The following PCDHGA4 variants were observed in gnomAD, a reference collection of about 807,000 sequenced individuals.
The protein encoded by PCDHGA4 is protocadherin gamma-A4.
In PCDHGA4, 38 loss-of-function variants were observed where a neutral mutation model predicts 54.6. That is an observed-to-expected ratio of 0.70 (90% confidence interval 0.54 to 0.91). PCDHGA4 has a LOEUF of 0.91. Ranked by LOEUF, PCDHGA4 falls within the 40% of genes least tolerant of loss-of-function variation. PCDHGA4 has a pLI of 0.00. For missense variants in PCDHGA4, 1,298 were observed against 1,220.9 expected (o/e 1.06, Z -0.94); for synonymous variants, 511 against 512.9 (o/e 1.00, Z 0.05).
At chr5:141,413,450 G>T (rs2095642221) in intron 1 of PCDHGA4, 1 of 1,614,148 alleles carries the variant, frequency 6.2e-7, no homozygotes, top group Non-Finnish European at 8.5e-7. Context: ...ATCACCGCGG[G>T]CAGGATAGAC....
rs576761049 is a variant in PCDHGA4, at chr5:141,372,029, C to T, written c.2514+14408C>T. On this transcript the variant is annotated intron_variant, in intron 1 of 3. Transcript: ENST00000571252. ...AGGGCTCGCCTACGCTCAGCGCCAACGTGAGCCTGCGCGTGTTGGTGGACG... is the reference window on the plus strand; with the variant it reads ...AGGGCTCGCCTACGCTCAGCGCCAATGTGAGCCTGCGCGTGTTGGTGGACG... The T allele has an allele frequency of 2.7e-5, 43 of 1,613,442 alleles. No individual in the cohort carries two copies. The African/African-American group carries it at 4.3e-4, about 16-fold the overall frequency.
intron 1 of PCDHGA4, chr5:141,361,050 T>C (rs370096238): frequency 1.7e-5 from 28 of 1,613,586 alleles, no homozygotes; most frequent in African/African-American, 2.7e-5. Context: ...CGACAAAGGA[T>C]GATTTGGATT....
chr5:141,421,216 T>G, intron 1 of PCDHGA4: 1 of 1,567,154 alleles, frequency 6.4e-7, no homozygotes, highest in Non-Finnish European at 8.6e-7. Flanking sequence ...GAATATCGGC[T>G]TAGAGCCTGC....
At chr5:141,419,886 G>C (rs1195529127) in intron 1 of PCDHGA4, 1 of 1,614,076 alleles carries the variant, frequency 6.2e-7, no homozygotes, top group Non-Finnish European at 8.5e-7. Context: ...CCGGATTTCA[G>C]CGACCATCCC....
intron 1 of PCDHGA4, among the ~76,000 whole-genome samples, chr5:141,473,191 G>A (rs28479996): frequency 0.019 from 2,957 of 152,242 alleles, 87 homozygotes; most frequent in African/African-American, 0.062. Context: ...AGGAGTAAAT[G>A]TATCTTCTAA....
Position 141,383,152 on chromosome 5 carries a change from G to T in PCDHGA4, c.2514+25531G>T, listed in dbSNP as rs200500982. ...CCTGAACCAGCGCAGCGGCAGCTTG[G>T]TCACTGCGGGCAGGATAGACCGGGA... On this transcript the variant is annotated intron_variant, in intron 1 of 3. Coordinates refer to ENST00000571252, the MANE Select transcript of PCDHGA4 (RefSeq NM_018917.4). 3.1e-6 allele frequency: 5 copies of T among 1,614,006 alleles called. No homozygotes were observed. In the African/African-American group the frequency reaches 6.7e-5, roughly 22 times the overall value.
At chr5:141,444,725 T>C (rs1178418239) in intron 1 of PCDHGA4, among the ~76,000 whole-genome samples, 1 of 152,370 alleles carries the variant, frequency 6.6e-6, no homozygotes, top group East Asian at 1.9e-4. Flanking sequence ...TTGGTGCCTT[T>C]GTTGAAAGTC....
chr5:141,406,600 G>A (rs1172246444), intron 1 of PCDHGA4, among the ~76,000 whole-genome samples: 2 of 152,144 alleles, frequency 1.3e-5, no homozygotes, highest in African/African-American at 4.8e-5. Flanking sequence ...AATGGTGAAA[G>A]TTGTCACATC....
rs777121812 is a variant in PCDHGA4, at chr5:141,355,953, T to C, written c.846T>C (p.Val282=). ...VFTQPEYHVS[V]RENVPVGTRL... ...CTCAGCCCGAGTACCACGTAAGTGT[T>C]CGTGAGAACGTTCCTGTAGGCACTC... Residue 282 remains valine (V), a synonymous_variant, in exon 1 of 4, where the codon GTT becomes GTC. Transcript: ENST00000571252. 1.4e-5 allele frequency: 22 copies of C among 1,613,776 alleles called. No individual in the cohort carries two copies. The African/African-American group carries it at 2.9e-4, about 22-fold the overall frequency.
rs745778398 is a variant in PCDHGA4, at chr5:141,389,350, T to A, written c.2514+31729T>A. The A allele has an allele frequency of 1.6e-5, 26 of 1,613,964 alleles. No individual in the cohort carries two copies. Among genetic ancestry groups the A allele is most frequent in the Non-Finnish European group, 2.2e-5 (26 of 1,179,910 alleles). Reference sequence around the variant, plus strand: ...CCCAACGGCCAAGTCTCTTACTGCATCATGGCCAGTGACCTGGAGCAGCGG... The same window carrying A: ...CCCAACGGCCAAGTCTCTTACTGCAACATGGCCAGTGACCTGGAGCAGCGG... On this transcript the variant is annotated intron_variant, in intron 1 of 3. Coordinates refer to ENST00000571252, the MANE Select transcript of PCDHGA4 (RefSeq NM_018917.4).
intron 1 of PCDHGA4, chr5:141,371,148 G>A: frequency 6.2e-7 from 1 of 1,614,010 alleles, no homozygotes; most frequent in Non-Finnish European, 8.5e-7. Flanking sequence ...GGTCAATGTT[G>A]CAGAGAACCT....
At chr5:141,370,138 G>C in intron 1 of PCDHGA4, 1 of 413,176 alleles carries the variant, frequency 2.4e-6, no homozygotes, top group Non-Finnish European at 4.3e-6. Flanking sequence ...AGCTGATTTA[G>C]TCACCATTAC....
At chr5:141,371,891 G>A (rs771271665) in intron 1 of PCDHGA4, 3 of 1,613,446 alleles carry the variant, frequency 1.9e-6, no homozygotes, top group Non-Finnish European at 2.5e-6. Flanking sequence ...TGGAGCCGCG[G>A]GAGCTGTCGT....
intron 1 of PCDHGA4, chr5:141,376,446 GC>G (rs1772699263): frequency 6.2e-7 from 1 of 1,614,074 alleles, no homozygotes. Flanking sequence ...TATGAGAAAA[GC>G]GAGCCTCTTC....
intron 1 of PCDHGA4, chr5:141,391,466 C>T (rs375470029): frequency 2.6e-5 from 4 of 152,276 alleles, no homozygotes; most frequent in East Asian, 3.9e-4. Context: ...CTCATGCCAC[C>T]AGACCTGGCT....
Position 141,405,325 on chromosome 5 carries a change from G to C in PCDHGA4, c.2514+47704G>C, listed in dbSNP as rs17097274. ...AGAGCTGTGAGAAAAATGAGCCTTT[G>C]TGCGTCTCTGTTGATTCCAAGTTTC... On this transcript the variant is annotated intron_variant, in intron 1 of 3. Transcript: ENST00000571252. The C allele has an allele frequency of 9.4e-4, 1,513 of 1,614,170 alleles. 9 individuals are homozygous for C. The African/African-American group carries it at 0.016, about 17-fold the overall frequency.
intron 1 of PCDHGA4, chr5:141,415,646 A>G: frequency 6.2e-7 from 1 of 1,600,190 alleles, no homozygotes; most frequent in South Asian, 1.1e-5. Context: ...TTTGTTAAAA[A>G]AAAAAAGATT....
intron 2 of PCDHGA4, among the ~76,000 whole-genome samples, chr5:141,495,296 T>TCCTCCAGAG (rs998633800): frequency 1.3e-5 from 2 of 152,054 alleles, no homozygotes; most frequent in Non-Finnish European, 2.9e-5. Flanking sequence ...ACTCAGCGCC[T>TCCTCCAGAG]CCTCCAGAGC....
intron 1 of PCDHGA4, among the ~76,000 whole-genome samples, chr5:141,463,302 A>T (rs2099056422): frequency 6.6e-6 from 1 of 151,090 alleles, no homozygotes; most frequent in Non-Finnish European, 1.5e-5. Context: ...ATCTCCCCAA[A>T]CTCTAATATC....
Sources: gnomAD v4.1 joint callset for allele counts (sites outside exome capture counted in the v4.1 genomes callset) on GRCh38, gnomAD v4.1.1 for gene constraint, MANE v1.5 for transcripts, NCBI Gene and HGNC (gene_info 2026-07-23, HGNC 2026-07-21) for gene names.